PKIA: variants seen among roughly 807,000 people sequenced by gnomAD.
PKIA encodes PKI-alpha.
Under a neutral mutation model 7.6 loss-of-function variants are expected in PKIA, and 4 were observed. The observed-to-expected ratio is 0.52, with a 90% confidence interval of 0.26 to 1.20. PKIA has a LOEUF of 1.20. PKIA is among the 50% of genes most tolerant of loss of function. The probability of loss-of-function intolerance (pLI) is 0.13; values close to 1 mark genes in which losing one functional copy is unlikely to be tolerated. For synonymous variants in PKIA, 21 were observed against 30.7 expected (o/e 0.68, Z 1.04); for missense variants, 73 against 86.2 (o/e 0.85, Z 0.61).
chr8:78,541,512 T>G (rs1353939891), intron 1 of PKIA, among the ~76,000 whole-genome samples: 1 of 152,148 alleles, frequency 6.6e-6, no homozygotes, highest in African/African-American at 2.4e-5. Flanking sequence ...TGATCTCTCT[T>G]TAAACTTTTG....
intron 1 of PKIA, among the ~76,000 whole-genome samples, chr8:78,528,924 A>G (rs1252530634): frequency 6.6e-6 from 1 of 152,090 alleles, no homozygotes; most frequent in Non-Finnish European, 1.5e-5. Context: ...TAATTTTAAT[A>G]CTAGTTTAGA....
At chr8:78,555,153 A>T (rs1460326344) in intron 1 of PKIA, among the ~76,000 whole-genome samples, 2 of 152,032 alleles carry the variant, frequency 1.3e-5, no homozygotes, top group Admixed American at 1.3e-4. Context: ...TCTTCTAACT[A>T]ATTAGACCTT....
At chr8:78,524,024 TTATATAAACGTTTATATATATAAATA>T (rs1809479255) in intron 1 of PKIA, among the ~76,000 whole-genome samples, 5 of 83,576 alleles carry the variant, frequency 6.0e-5, no homozygotes, top group Admixed American at 1.2e-4. Context: ...ATATAAACGT[TTATATAAACGTTTATATATATAAATA>T]TATATAAACA....
At chr8:78,557,438 G>C (rs925079970) in intron 1 of PKIA, among the ~76,000 whole-genome samples, 13 of 152,082 alleles carry the variant, frequency 8.5e-5, no homozygotes, top group Admixed American at 5.2e-4. Context: ...AAACAATAAT[G>C]CATTAAACTT....
rs1383250041 is a variant in PKIA, at chr8:78,520,571, A to C, written c.-157+4103A>C. Among the ~76,000 whole-genome samples, 3 of 152,238 alleles carry C rather than the reference A, an allele frequency of 2.0e-5. No individual in the cohort carries two copies. The East Asian group carries it at 5.8e-4, about 29-fold the overall frequency. On this transcript the variant is annotated intron_variant, in intron 1 of 3. Coordinates refer to ENST00000396418, the MANE Select transcript of PKIA (RefSeq NM_006823.4). ...TGGCAGAGATTTTTTCCATATTACC[A>C]CCCGCTCTTTGAAGTGTAACAGAGT...
At chr8:78,572,488 C>G (rs1404880635) in intron 1 of PKIA, among the ~76,000 whole-genome samples, 1 of 150,378 alleles carries the variant, frequency 6.6e-6, no homozygotes, top group Non-Finnish European at 1.5e-5. Flanking sequence ...AAATCACTGA[C>G]TAGTAGTCAA....
chr8:78,565,515 C>T (rs1807383748), intron 1 of PKIA, among the ~76,000 whole-genome samples: 1 of 151,914 alleles, frequency 6.6e-6, no homozygotes, highest in African/African-American at 2.4e-5. Context: ...TTAGTCTAAA[C>T]CTGAAAGATC....
intron 1 of PKIA, among the ~76,000 whole-genome samples, chr8:78,558,251 CAAGT>C (rs1271893664): frequency 6.6e-6 from 1 of 152,094 alleles, no homozygotes; most frequent in Non-Finnish European, 1.5e-5. Context: ...TAGAGAGGTC[CAAGT>C]AAGTGGCAGG....
At chr8:78,555,366 T>A (rs1807103555) in intron 1 of PKIA, among the ~76,000 whole-genome samples, 2 of 151,704 alleles carry the variant, frequency 1.3e-5, no homozygotes, top group South Asian at 4.2e-4. Context: ...ATGACTAAGA[T>A]CTTAAAGTAC....
intron 1 of PKIA, among the ~76,000 whole-genome samples, chr8:78,537,879 T>A (rs1337209734): frequency 6.6e-6 from 1 of 152,092 alleles, no homozygotes; most frequent in Non-Finnish European, 1.5e-5. Flanking sequence ...ACCATTGCTC[T>A]TCATGTTTTC....
rs538927541 is a variant in PKIA at position 78,576,167 on chromosome 8, T to C, written c.-28+3228T>C. On this transcript the variant is annotated intron_variant, in intron 2 of 3. Coordinates refer to ENST00000396418, the MANE Select transcript of PKIA (RefSeq NM_006823.4). ...CACACTGAGGACTCAGGCTTCAACA[T>C]ATGAATTTCTGGGAAACATAATTCA... is the stretch of plus-strand genomic sequence containing the variant. 1.9e-4 allele frequency among the ~76,000 whole-genome samples: 29 copies of C among 152,170 alleles called. No homozygotes were observed. The South Asian group carries it at 2.9e-3, about 15-fold the overall frequency.
intron 1 of PKIA, among the ~76,000 whole-genome samples, chr8:78,518,279 G>A (rs779721143): frequency 6.6e-6 from 1 of 152,024 alleles, no homozygotes; most frequent in Non-Finnish European, 1.5e-5. Context: ...TTCCTTTTTT[G>A]TTGTTGTTAT....
chr8:78,527,993 A>G (rs577288259), intron 1 of PKIA, among the ~76,000 whole-genome samples: 1 of 152,180 alleles, frequency 6.6e-6, no homozygotes, highest in South Asian at 2.1e-4. Context: ...GAATTGTCAG[A>G]TCTGTTTTTT....
At chr8:78,534,466 T>G (rs1806469688) in intron 1 of PKIA, 1 of 152,152 alleles carries the variant, frequency 6.6e-6, no homozygotes, top group African/African-American at 2.4e-5. Flanking sequence ...AGAAGTTTTT[T>G]CACTACTTTT....
intron 1 of PKIA, among the ~76,000 whole-genome samples, chr8:78,538,782 C>T (rs376053949): frequency 1.7e-4 from 26 of 151,834 alleles, no homozygotes; most frequent in African/African-American, 5.1e-4. Context: ...GGAGACAGGC[C>T]GAATTTGGAG....
At position 78,557,451 on chromosome 8, in the gene PKIA, CTTGT is replaced by C. The variant is rs1188550310; in HGVS notation, c.-156-15357_-156-15354del. On this transcript the variant is annotated intron_variant, in intron 1 of 3. Coordinates refer to ENST00000396418, the MANE Select transcript of PKIA (RefSeq NM_006823.4). ...TTAAACAATAATGCATTAAACTTTC[CTTGT>C]TTATTATGCTAGAAGTTGTATGAGA... 1.1e-4 allele frequency among the ~76,000 whole-genome samples: 17 copies of C among 152,096 alleles called. No homozygotes were observed. In the East Asian group the frequency reaches 2.7e-3, roughly 24 times the overall value.
rs1030315789 is a variant in PKIA at position 78,573,566 on chromosome 8, A to G, written c.-28+627A>G. Reference sequence around the variant, plus strand: ...AAAACTTGGGGCAAAAGGACATCCCATTTTATGGAAAGAAAAGAAAAAAAC... The same window carrying G: ...AAAACTTGGGGCAAAAGGACATCCCGTTTTATGGAAAGAAAAGAAAAAAAC... On this transcript the variant is annotated intron_variant, in intron 2 of 3. Coordinates refer to ENST00000396418, the MANE Select transcript of PKIA (RefSeq NM_006823.4). Among the ~76,000 whole-genome samples, 4 of 151,970 alleles carry G rather than the reference A, an allele frequency of 2.6e-5. No homozygotes were observed. The East Asian group carries it at 5.8e-4, about 22-fold the overall frequency.
intron 1 of PKIA, among the ~76,000 whole-genome samples, chr8:78,562,958 C>G (rs1319076731): frequency 2.0e-5 from 3 of 152,042 alleles, no homozygotes; most frequent in East Asian, 3.9e-4. Context: ...AAATATTTCT[C>G]TTTTGAAAGA....
intron 2 of PKIA, among the ~76,000 whole-genome samples, chr8:78,573,213 G>C (rs1807595296): frequency 6.6e-6 from 1 of 152,022 alleles, no homozygotes; most frequent in African/African-American, 2.4e-5. Flanking sequence ...TTAGGCCTGT[G>C]GAGCAGCAGA....
Sources: gnomAD v4.1 joint callset for allele counts (sites outside exome capture counted in the v4.1 genomes callset) on GRCh38, gnomAD v4.1.1 for gene constraint, MANE v1.5 for transcripts, NCBI Gene and HGNC (gene_info 2026-07-23, HGNC 2026-07-21) for gene names.